Variants in SOX5 observed in about 807,000 individuals in gnomAD.
The protein encoded by SOX5 is SRY-box transcription factor 5.
In SOX5, 9 loss-of-function variants were observed where a neutral mutation model predicts 92.0. The ratio of observed to expected loss-of-function variants is 0.10; its 90% confidence interval spans 0.06 to 0.17. The LOEUF (loss-of-function observed/expected upper bound fraction) is 0.17. Among genes scored for constraint, SOX5 ranks in the 10% least tolerant of loss-of-function variants. SOX5 has a pLI of 1.00. For missense variants in SOX5, 642 were observed against 944.5 expected (o/e 0.68, Z 4.20); for synonymous variants, 344 against 336.3 (o/e 1.02, Z -0.25).
At chr12:24,343,279 C>CT (rs35109990) in intron 2 of SOX5, among the ~76,000 whole-genome samples, 42,058 of 152,014 alleles carry the variant, frequency 0.28, 6,959 homozygotes, top group Non-Finnish European at 0.38. Context: ...ATCCCCTCTA[C>CT]TTTACAATCT....
At chr12:23,569,942 C>T (rs866631398) in intron 10 of SOX5, among the ~76,000 whole-genome samples, 1 of 152,140 alleles carries the variant, frequency 6.6e-6, no homozygotes, top group African/African-American at 2.4e-5. Context: ...ATTCCTTTGG[C>T]CCAGGGCAGG....
At chr12:23,643,845 G>C (rs2080460652) in intron 7 of SOX5, among the ~76,000 whole-genome samples, 1 of 152,114 alleles carries the variant, frequency 6.6e-6, no homozygotes, top group Non-Finnish European at 1.5e-5. Flanking sequence ...AAAGGAATTG[G>C]AGGCAGGAAG....
chr12:24,229,026 G>A lies in SOX5; in HGVS notation c.-76-15609C>T, dbSNP rs74068451. Among the ~76,000 whole-genome samples the A allele has an allele frequency of 4.2e-3, 638 of 152,228 alleles. 6 individuals are homozygous for A. Among genetic ancestry groups the A allele is most frequent in the African/African-American group, 0.014 (571 of 41,556 alleles). ...GGTTCTCCCCCAACCCCAATTTCTC[G>A]TTTTAAAACTTACAACAATCCATAT... On this transcript the variant is annotated intron_variant, in intron 3 of 4. Transcript: ENST00000446891.
At chr12:23,537,593 C>A (rs926643275) in intron 13 of SOX5, among the ~76,000 whole-genome samples, 1 of 152,192 alleles carries the variant, frequency 6.6e-6, no homozygotes, top group South Asian at 2.1e-4. Flanking sequence ...ATACAGTCTG[C>A]TTTAGTAATA....
In SOX5 at chr12:24,341,470, G is replaced by A. The variant is rs557078011; in HGVS notation, c.-174+27093C>T. Among the ~76,000 whole-genome samples the A allele has an allele frequency of 2.0e-4, 31 of 152,222 alleles. No individual in the cohort carries two copies. The South Asian group carries it at 2.7e-3, about 13-fold the overall frequency. ...TCCACCTGGGTGACAGAACGAAACC[G>A]TCTCAAAAATTAATAATAAATCAAA... On this transcript the variant is annotated intron_variant, in intron 2 of 4. Coordinates refer to the SOX5 transcript ENST00000446891.
chr12:24,220,156 G>T (rs1165560484), intron 3 of SOX5, among the ~76,000 whole-genome samples: 4 of 151,632 alleles, frequency 2.6e-5, no homozygotes, highest in Admixed American at 2.6e-4. Flanking sequence ...AAATTACAAG[G>T]TAGAAATTTC....
At chr12:24,472,307 C>G (rs945069192) in intron 1 of SOX5, among the ~76,000 whole-genome samples, 7 of 152,300 alleles carry the variant, frequency 4.6e-5, no homozygotes, top group African/African-American at 1.7e-4. Context: ...AGGTGCAAGA[C>G]CTGTAACTAC....
At chr12:23,623,597 A>T (rs1257547151) in intron 8 of SOX5, among the ~76,000 whole-genome samples, 1 of 152,162 alleles carries the variant, frequency 6.6e-6, no homozygotes, top group African/African-American at 2.4e-5. Flanking sequence ...AATATTACAA[A>T]GCAAATATTA....
At position 24,540,308 on chromosome 12, in the gene SOX5, C is replaced by CATTTAAAA. The variant is rs57871777; in HGVS notation, c.-251+22020_-251+22021insTTTTAAAT. Among the ~76,000 whole-genome samples, 404 of 151,962 alleles carry CATTTAAAA rather than the reference C, an allele frequency of 2.7e-3. 3 individuals are homozygous for CATTTAAAA. The highest frequency in any genetic ancestry group is 7.9e-3 in the African/African-American group (327 of 41,440). On this transcript the variant is annotated intron_variant, in intron 1 of 4. Transcript: ENST00000446891. ...TTTGTATACGTTGTAAAAACTAATGCAAGGTAATGTGACTTTTTTAAACAA... is the reference window on the plus strand; with the variant it reads ...TTTGTATACGTTGTAAAAACTAATGCATTTAAAAAAGGTAATGTGACTTTTTTAAACAA...
chr12:24,210,125 C>T (rs1023833657), intron 4 of SOX5, among the ~76,000 whole-genome samples: 9 of 151,058 alleles, frequency 6.0e-5, no homozygotes, highest in African/African-American at 9.7e-5. Flanking sequence ...GGATGTTATC[C>T]TCTGTTATTT....
At chr12:23,883,973 T>G (rs1423168446) in intron 2 of SOX5, among the ~76,000 whole-genome samples, 2 of 152,220 alleles carry the variant, frequency 1.3e-5, no homozygotes, top group African/African-American at 2.4e-5. Flanking sequence ...TTTCAAATTT[T>G]TTTTTTCTCT....
chr12:24,433,178 A>G (rs1938699263), intron 1 of SOX5, among the ~76,000 whole-genome samples: 1 of 152,246 alleles, frequency 6.6e-6, no homozygotes, highest in Non-Finnish European at 1.5e-5. Flanking sequence ...GGCTTACAGT[A>G]TAAATAAAAG....
intron 4 of SOX5, among the ~76,000 whole-genome samples, chr12:23,982,747 T>C (rs1250048224): frequency 6.6e-6 from 1 of 152,050 alleles, no homozygotes; most frequent in East Asian, 1.9e-4. Context: ...ATTTTAATAA[T>C]TTATTTAACC....
At chr12:24,404,054 A>G (rs529957310) in intron 1 of SOX5, among the ~76,000 whole-genome samples, 1 of 152,348 alleles carries the variant, frequency 6.6e-6, no homozygotes, top group Non-Finnish European at 1.5e-5. Flanking sequence ...TATCAAAACA[A>G]TCCGATAATT....
chr12:23,784,837 G>A (rs1260238185), intron 3 of SOX5, among the ~76,000 whole-genome samples: 3 of 152,178 alleles, frequency 2.0e-5, no homozygotes, highest in Admixed American at 6.5e-5. Flanking sequence ...AGCACTTTGA[G>A]AGGGTAAGGT....
intron 1 of SOX5, among the ~76,000 whole-genome samples, chr12:24,398,396 C>T (rs953710187): frequency 6.6e-6 from 1 of 152,054 alleles, no homozygotes; most frequent in Non-Finnish European, 1.5e-5. Context: ...CCCAGCTACT[C>T]GAGAGGCTGA....
intron 1 of SOX5, among the ~76,000 whole-genome samples, chr12:24,384,420 G>C (rs1303479828): frequency 6.6e-6 from 1 of 152,170 alleles, no homozygotes; most frequent in Non-Finnish European, 1.5e-5. Context: ...GGGGACTCCT[G>C]CCTTATGGTA....
intron 7 of SOX5, among the ~76,000 whole-genome samples, chr12:23,662,328 G>A (rs976022941): frequency 3.9e-5 from 6 of 152,044 alleles, no homozygotes; most frequent in South Asian, 2.1e-4. Flanking sequence ...CATTCATACC[G>A]AATGCCAAAC....
chr12:23,648,446 A>G (rs948374665), intron 7 of SOX5, among the ~76,000 whole-genome samples: 1 of 152,224 alleles, frequency 6.6e-6, no homozygotes, highest in Non-Finnish European at 1.5e-5. Context: ...CTAATACTCC[A>G]GAATGTGACT....
Sources: allele counts gnomAD v4.1 joint callset (sites outside exome capture counted in the v4.1 genomes callset), GRCh38; gene constraint gnomAD v4.1.1; transcripts MANE v1.5; gene names NCBI Gene and HGNC (gene_info 2026-07-23, HGNC 2026-07-21).